Variants in PRKACB observed in about 807,000 individuals in gnomAD.
PRKACB encodes the protein protein kinase cAMP-activated catalytic subunit beta, also known as cAMP-dependent protein kinase catalytic subunit beta.
A neutral mutation model predicts 51.4 loss-of-function variants in PRKACB; 16 were observed. The ratio of observed to expected loss-of-function variants is 0.31; its 90% CI spans 0.21 to 0.47. The LOEUF is 0.47. PRKACB is among the 20% of genes least tolerant of loss of function. PRKACB has a pLI of 1.00. For missense variants in PRKACB, 309 were observed against 464.5 expected (o/e 0.67, Z 3.08); for synonymous variants, 147 against 154.4 (o/e 0.95, Z 0.35).
At chr1:84,096,562 T>C (rs527958238) in intron 1 of PRKACB, among the ~76,000 whole-genome samples, 8 of 152,274 alleles carry the variant, frequency 5.3e-5, no homozygotes, top group African/African-American at 1.2e-4. Context: ...GTAAAGAATC[T>C]TGATCTCTAA....
intron 9 of PRKACB, among the ~76,000 whole-genome samples, chr1:84,219,056 G>A (rs1365290467): frequency 1.3e-5 from 2 of 152,084 alleles, no homozygotes; most frequent in Non-Finnish European, 2.9e-5. Context: ...TGGATGAATA[G>A]TTTGCAAATA....
chr1:84,209,676 A>T lies in PRKACB; in HGVS notation c.907-4477A>T, dbSNP rs1400448704. On this transcript the variant is annotated intron_variant, in intron 8 of 9. Transcript: ENST00000370685. ...TAAAAGTCGAAGACCTTACTATGCAAAGTTTCATGAAAAAGATAGGATAAC... is the reference window on the plus strand; with the variant it reads ...TAAAAGTCGAAGACCTTACTATGCATAGTTTCATGAAAAAGATAGGATAAC... 1.3e-5 allele frequency among the ~76,000 whole-genome samples: 2 copies of T among 152,156 alleles called. 1 individual carries two copies. The highest frequency in any genetic ancestry group is 4.1e-4 in the South Asian group (2 of 4,836).
chr1:84,089,297 A>G (rs1241913602), intron 1 of PRKACB, among the ~76,000 whole-genome samples: 1 of 152,160 alleles, frequency 6.6e-6, no homozygotes, highest in Non-Finnish European at 1.5e-5. Flanking sequence ...ATAGTTGATT[A>G]ATGTGATAAG....
chr1:84,227,527 C>T (rs78073566), intron 9 of PRKACB, among the ~76,000 whole-genome samples: 3,053 of 152,236 alleles, frequency 0.02, 109 homozygotes, highest in African/African-American at 0.069. Context: ...CAGTCATTTA[C>T]TTATCTATTC....
intron 1 of PRKACB, among the ~76,000 whole-genome samples, chr1:84,133,261 C>G (rs1456372871): frequency 6.6e-6 from 1 of 152,034 alleles, no homozygotes; most frequent in Non-Finnish European, 1.5e-5. Context: ...AAAATACCAA[C>G]TGACCTATAA....
At chr1:84,123,148 T>TC (rs1230516576) in intron 1 of PRKACB, among the ~76,000 whole-genome samples, 2 of 152,202 alleles carry the variant, frequency 1.3e-5, no homozygotes, top group Non-Finnish European at 2.9e-5. Context: ...CACCTTTATT[T>TC]CATAGTTCTA....
At chr1:84,133,457 T>C (rs919319112) in intron 1 of PRKACB, among the ~76,000 whole-genome samples, 2 of 152,192 alleles carry the variant, frequency 1.3e-5, no homozygotes, top group African/African-American at 2.4e-5. Flanking sequence ...TTATTCCTCA[T>C]TGATCTAAAA....
rs546941517 is a variant in PRKACB at position 84,171,425 on chromosome 1, A to G, written c.188-7752A>G. On this transcript the variant is annotated intron_variant, in intron 1 of 9. Coordinates refer to ENST00000370685, the MANE Select transcript of PRKACB (RefSeq NM_182948.4). The stretch of plus-strand genomic sequence containing the variant: ...TTAAAAATTGAATCACAGAATCTTT[A>G]TGCAGAACTTAACAAAATTAGGACT... 3.3e-5 allele frequency among the ~76,000 whole-genome samples: 5 copies of G among 151,764 alleles called. 1 individual carries two copies. Among genetic ancestry groups the G allele is most frequent in the African/African-American group, 1.2e-4 (5 of 41,510 alleles).
At chr1:84,197,670 A>G in intron 6 of PRKACB, 59 bp from the exon 7 acceptor site, 1 of 1,157,570 alleles carries the variant, frequency 8.6e-7, no homozygotes. Flanking sequence ...CGTAGGTGCA[A>G]TAAATACATT....
Position 84,176,527 on chromosome 1 carries a change from AAAT to A in PRKACB, c.188-2646_188-2644del, listed in dbSNP as rs1315439938. Among the ~76,000 whole-genome samples the A allele has an allele frequency of 6.6e-5, 10 of 151,822 alleles. No homozygotes were observed. The East Asian group carries it at 1.9e-3, about 29-fold the overall frequency. Reference sequence around the variant, plus strand: ...TATTTTGATTAACTTATATTTTTACAAATAATTATGTTTATCTTTGCATCTACA... The same window carrying A: ...TATTTTGATTAACTTATATTTTTACAAATTATGTTTATCTTTGCATCTACA... On this transcript the variant is annotated intron_variant, in intron 1 of 9. Transcript: ENST00000370685.
At chr1:84,139,833 C>T (rs1336450419), upstream of PRKACB, among the ~76,000 whole-genome samples, 3 of 152,162 alleles carry the variant, frequency 2.0e-5, no homozygotes, top group East Asian at 1.9e-4. Flanking sequence ...CTGAGGTGGG[C>T]GGATCACGAG....
intron 1 of PRKACB, among the ~76,000 whole-genome samples, chr1:84,149,257 C>T (rs1309754543): frequency 6.6e-6 from 1 of 151,690 alleles, no homozygotes; most frequent in Admixed American, 6.6e-5. Flanking sequence ...CAAATTTCTA[C>T]CAGCTCCAAT....
At chr1:84,137,779 A>G (rs553683010) in intron 1 of PRKACB, among the ~76,000 whole-genome samples, 1 of 152,308 alleles carries the variant, frequency 6.6e-6, no homozygotes, top group East Asian at 1.9e-4. Context: ...GTATATACTG[A>G]AATTGAACAA....
At chr1:84,209,851 G>A (rs901603702) in intron 8 of PRKACB, among the ~76,000 whole-genome samples, 1 of 152,114 alleles carries the variant, frequency 6.6e-6, no homozygotes, top group Non-Finnish European at 1.5e-5. Flanking sequence ...CATAGTACTT[G>A]CTTAATTCAA....
intron 1 of PRKACB, among the ~76,000 whole-genome samples, chr1:84,135,365 T>C (rs1521518): frequency 0.47 from 71,867 of 152,034 alleles, 17,721 homozygotes; most frequent in Non-Finnish European, 0.56. Context: ...ATAATTGATA[T>C]AGATTAAGCA....
chr1:84,125,038 A>ATAT (rs2100903281), intron 1 of PRKACB, among the ~76,000 whole-genome samples: 1 of 116,130 alleles, frequency 8.6e-6, no homozygotes, highest in Admixed American at 8.9e-5. Context: ...CTATAACTAA[A>ATAT]TAGTGGCTTA....
rs1244465137 is a variant in PRKACB, at chr1:84,236,499, A to G, written c.*1194A>G. On this transcript the variant is annotated 3_prime_UTR_variant, in exon 10 of 10. Transcript: ENST00000370685. Reference sequence around the variant, plus strand: ...CCTCATCAATGAGGAAAGGGAACAAAGTGTATAAAACTGCCACAATTGTAT... The same window carrying G: ...CCTCATCAATGAGGAAAGGGAACAAGGTGTATAAAACTGCCACAATTGTAT... 1 of 152,640 alleles carries G rather than the reference A, an allele frequency of 6.6e-6. No individual in the cohort carries two copies. Among genetic ancestry groups the G allele is most frequent in the Non-Finnish European group, 1.5e-5 (1 of 68,030 alleles). The allele number at this position is 152,640 out of a possible 1,614,324, so 9.5% of individuals were successfully genotyped here.
chr1:84,083,624 AAATT>A (rs1417074645), intron 1 of PRKACB, among the ~76,000 whole-genome samples: 2 of 152,220 alleles, frequency 1.3e-5, no homozygotes, highest in African/African-American at 4.8e-5. Flanking sequence ...ACATTCCATT[AAATT>A]AATTTTTAAA....
intron 1 of PRKACB, chr1:84,086,082 A>T: frequency 7.8e-7 from 1 of 1,289,204 alleles, no homozygotes; most frequent in Non-Finnish European, 1.1e-6. Context: ...GCCAAGGTGT[A>T]TATTGATGAC....
Sources: gnomAD v4.1 joint callset for allele counts (sites outside exome capture counted in the v4.1 genomes callset) on GRCh38, gnomAD v4.1.1 for gene constraint, MANE v1.5 for transcripts, NCBI Gene and HGNC (gene_info 2026-07-23, HGNC 2026-07-21) for gene names.